CAPG: variants seen among roughly 807,000 people sequenced by gnomAD.
The protein encoded by CAPG is capping actin protein, gelsolin like, also known as macrophage-capping protein.
A neutral mutation model predicts 44.6 loss-of-function variants in CAPG; 32 were observed. The observed-to-expected ratio is 0.72, with a 90% CI of 0.54 to 0.96. The LOEUF is 0.96. Ranked by LOEUF, CAPG falls within the 50% of genes least tolerant of loss-of-function variation. The pLI is 0.00. For missense variants in CAPG, 412 were observed against 438.3 expected, an observed-to-expected ratio of 0.94 and a Z score of 0.54; for synonymous variants, 175 against 179.6, an observed-to-expected ratio of 0.97 and a Z score of 0.20.
chr2:85,410,856 G>GT (rs1046877599), upstream of CAPG, among the ~76,000 whole-genome samples: 11 of 132,188 alleles, frequency 8.3e-5, no homozygotes, highest in African/African-American at 1.4e-4. Flanking sequence ...CAGTTTTTTG[G>GT]TTTTTTTTGT....
chr2:85,394,360 A>T (rs1447456579), downstream of CAPG, among the ~76,000 whole-genome samples: 1 of 152,270 alleles, frequency 6.6e-6, no homozygotes, highest in Non-Finnish European at 1.5e-5. Context: ...GTAATAAGCC[A>T]GGCTTGGTAC....
intron 1 of CAPG, among the ~76,000 whole-genome samples, chr2:85,409,184 G>C (rs1558738004): frequency 6.6e-6 from 1 of 152,224 alleles, no homozygotes; most frequent in Non-Finnish European, 1.5e-5. Flanking sequence ...AACTGGACCT[G>C]CTGGGCTCTG....
At chr2:85,410,865 G>GTTTT (rs200397680), upstream of CAPG, among the ~76,000 whole-genome samples, 5 of 126,202 alleles carry the variant, frequency 4.0e-5, no homozygotes, top group African/African-American at 1.5e-4. Context: ...GGTTTTTTTT[G>GTTTT]TTTTTTTTTT....
In CAPG at chr2:85,398,727, G is replaced by C. The variant is rs767288939; in HGVS notation, c.722C>G (p.Ala241Gly). ...KEGNPEEDLT[A>G]DKANAQAAAL... ...TGCGGCCTGGGCATTTGCCTTGTCA[G>C]CTGTGAGGTCTTCCTCAGGGTTGCC... is the stretch of plus-strand genomic sequence containing the variant. The change falls in exon 7 of 10, where the codon GCT becomes GGT. Residue 241 changes from alanine to glycine, a missense_variant. By Grantham distance (60) the Ala-to-Gly change is moderately conservative. Transcript: ENST00000263867. 1.3e-4 allele frequency: 207 copies of C among 1,607,596 alleles called. No homozygotes were observed. Among genetic ancestry groups the C allele is most frequent in the Middle Eastern group, 1.0e-3 (6 of 6,006 alleles).
At position 85,401,320 on chromosome 2, in the gene CAPG, C is replaced by A; in HGVS notation, c.361G>T (p.Val121Leu). The A allele has an allele frequency of 1.2e-6, 2 of 1,613,916 alleles. No individual in the cohort carries two copies. The highest frequency in any genetic ancestry group is 1.7e-6 in the Non-Finnish European group (2 of 1,179,840). Residue 121 changes from valine (V) to leucine (L), a missense_variant, in exon 5 of 10, where the codon GTG becomes TTG. Val to Leu is a conservative substitution (Grantham distance 32, BLOSUM62 1). Transcript: ENST00000263867. ...GAGGTCTTGTGAAATGCTGACTCCA[C>A]ACCACCTTCCTGCAGCCCAGACGGC... ...PRGLKYQEGG[V>L]ESAFHKTSTG...
intron 8 of CAPG, 114 bp downstream of exon 8, chr2:85,397,906 G>C: frequency 1.9e-6 from 2 of 1,072,974 alleles, no homozygotes; most frequent in South Asian, 1.6e-5. Context: ...AAGCATGCAG[G>C]CTTCCTGAGG....
intron 8 of CAPG, 89 bp downstream of exon 8, chr2:85,397,931 C>A: frequency 1.5e-6 from 2 of 1,327,454 alleles, no homozygotes; most frequent in Non-Finnish European, 2.1e-6. Flanking sequence ...CTTTTACAAG[C>A]AGCTAGACAG....
intron 2 of CAPG, 30 bp from the exon 3 acceptor site, chr2:85,401,987 C>G: frequency 6.2e-7 from 1 of 1,613,862 alleles, no homozygotes; most frequent in Non-Finnish European, 8.5e-7. Flanking sequence ...TGACAGCAGC[C>G]TGGACCCACT....
At chr2:85,398,254 C>T (rs888985294) in intron 7 of CAPG, 102 bp from the exon 8 acceptor site, 13 of 1,357,422 alleles carry the variant, frequency 9.6e-6, no homozygotes, top group Non-Finnish European at 1.2e-5. Context: ...TCCCACTGTG[C>T]CTCGCTGCCC....
chr2:85,415,474 G>C (rs762078183), intron 1 of CAPG, among the ~76,000 whole-genome samples: 5 of 152,174 alleles, frequency 3.3e-5, no homozygotes, highest in Non-Finnish European at 5.9e-5. Flanking sequence ...TTTGACAGAT[G>C]CAACACCCAT....
At chr2:85,405,719 C>T (rs754734490) in intron 1 of CAPG, among the ~76,000 whole-genome samples, 34 of 152,174 alleles carry the variant, frequency 2.2e-4, no homozygotes, top group Non-Finnish European at 4.6e-4. Context: ...TTTGGCACCA[C>T]GATTCCGGAA....
intron 5 of CAPG, 111 bp from the exon 6 acceptor site, chr2:85,399,396 C>A: frequency 8.7e-7 from 1 of 1,155,978 alleles, no homozygotes; most frequent in South Asian, 1.5e-5. Flanking sequence ...GTCCCTGAGG[C>A]AGGACAACCA....
At position 85,398,013 on chromosome 2, in the gene CAPG, C is replaced by G; in HGVS notation, c.892+7G>C. 6.2e-7 allele frequency: 1 copy of G among 1,613,146 alleles called. No homozygotes were observed. Among genetic ancestry groups the G allele is most frequent in the Non-Finnish European group, 8.5e-7 (1 of 1,179,418 alleles). Reference sequence around the variant, plus strand: ...GCATCTCAGGCTGTTACAGAGGAGCCACGTACCCTTCCAGATATAGATCTT... The same window carrying G: ...GCATCTCAGGCTGTTACAGAGGAGCGACGTACCCTTCCAGATATAGATCTT... On this transcript the variant is annotated splice_region_variant and intron_variant, in intron 8 of 9. Coordinates refer to ENST00000263867, the MANE Select transcript of CAPG (RefSeq NM_001747.4).
intron 7 of CAPG, 50 bp from the exon 8 acceptor site, chr2:85,398,202 A>T: frequency 6.3e-7 from 1 of 1,592,032 alleles, no homozygotes; most frequent in Non-Finnish European, 8.6e-7. Context: ...ACCAGCCCTC[A>T]CCTCAGCCTG....
chr2:85,409,579 A>T (rs1014941580), intron 1 of CAPG, among the ~76,000 whole-genome samples: 3 of 151,834 alleles, frequency 2.0e-5, no homozygotes, highest in Non-Finnish European at 2.9e-5. Flanking sequence ...CAGCACCTCC[A>T]CTTCTCCTGG....
At position 85,401,556 on chromosome 2, in the gene CAPG, G is replaced by A. The variant is rs964821692; in HGVS notation, c.324C>T (p.Ser108=). The A allele has an allele frequency of 2.5e-6, 4 of 1,614,196 alleles. No homozygotes were observed. Among genetic ancestry groups the A allele is most frequent in the Non-Finnish European group, 3.4e-6 (4 of 1,180,018 alleles). The change falls in exon 4 of 10, where the codon AGC becomes AGT. Residue 108 remains serine (S), a synonymous_variant. Transcript: ENST00000263867. ...VQGNESDLFM[S]YFPRGLKYQE... ...GGTACTTGAGGCCCCGTGGGAAGTA[G>A]CTCATGAAGAGGTCAGACTCATTGC...
chr2:85,395,325 GGA>G lies in CAPG; in HGVS notation c.981+211_981+212del, dbSNP rs1489169893. 2.0e-5 allele frequency among the ~76,000 whole-genome samples: 3 copies of G among 152,204 alleles called. No homozygotes were observed. The highest frequency in any genetic ancestry group is 6.5e-5 in the Admixed American group (1 of 15,286). On this transcript the variant is annotated intron_variant, in intron 9 of 9. Transcript: ENST00000263867. The surrounding 1 kb of genome is among the most constrained non-coding windows in gnomAD (Gnocchi z 4.3). ...GAGTACCCAGTTCTCTGGGCACCCA[GGA>G]GAGTGCTGCCCAACATCCTCTTTGA...
At chr2:85,403,886 CAAA>C (rs36054381) in intron 1 of CAPG, among the ~76,000 whole-genome samples, 6,956 of 69,636 alleles carry the variant, frequency 0.1, 112 homozygotes, top group African/African-American at 0.17. Context: ...GACTCCATCT[CAAA>C]AAAAAAAAAA....
At chr2:85,394,071 C>A (rs746637586), downstream of CAPG, among the ~76,000 whole-genome samples, 3 of 152,366 alleles carry the variant, frequency 2.0e-5, no homozygotes, top group South Asian at 6.2e-4. Context: ...CTCACTCACA[C>A]CCTGCTCTTG....
Sources: allele counts gnomAD v4.1 joint callset (sites outside exome capture counted in the v4.1 genomes callset), GRCh38; gene constraint gnomAD v4.1.1; non-coding constraint Gnocchi (gnomAD v3.1); transcripts MANE v1.5; gene names NCBI Gene and HGNC (gene_info 2026-07-23, HGNC 2026-07-21).